ZNF230: variants seen among roughly 807,000 people sequenced by gnomAD.
ZNF230 encodes the protein zinc finger protein FDZF2.
In ZNF230, 12 loss-of-function variants were observed where a neutral mutation model predicts 10.0. The observed-to-expected ratio is 1.20, with a 90% CI of 0.77 to 1.95. The LOEUF (loss-of-function observed/expected upper bound fraction) is 1.95. Ranked by LOEUF, ZNF230 falls within the 30% of genes most tolerant of loss-of-function variation. The probability of loss-of-function intolerance (pLI) is 0.00; values close to 1 mark genes in which losing one functional copy is unlikely to be tolerated. For synonymous variants in ZNF230, 174 were observed against 193.6 expected, an observed-to-expected ratio of 0.90 and a Z score of 0.84; for missense variants, 532 against 565.8, an observed-to-expected ratio of 0.94 and a Z score of 0.61.
rs1041564358 is a variant in ZNF230, at chr19:44,002,988, A to G, written c.-188A>G. 2 of 152,078 alleles carry G rather than the reference A, an allele frequency of 1.3e-5. No individual in the cohort carries two copies. Among genetic ancestry groups the G allele is most frequent in the Admixed American group, 6.5e-5 (1 of 15,276 alleles). The allele number at this position is 152,078 out of a possible 1,614,324, so 9.4% of individuals were successfully genotyped here. ...GCCTGCGGTTGCTACATAACCGCGT[A>G]GTTTGAGCCATTTCTGCGTCTGGCG... On this transcript the variant is annotated 5_prime_UTR_variant, in exon 1 of 5. Transcript: ENST00000429154.
rs1568497846 is a variant in ZNF230 at position 44,010,419 on chromosome 19, AGG to A, written c.381_382del (p.Glu127AspfsTer19). The A allele has an allele frequency of 1.2e-6, 2 of 1,614,246 alleles. No individual in the cohort carries two copies. The highest frequency in any genetic ancestry group is 8.5e-7 in the Non-Finnish European group (1 of 1,180,028). ...CAAGGTGATGTCCCCTCCCAGGTTG[AGG>A]CAGGACTATCTATAATTCATACAGG... On this transcript the variant is annotated frameshift_variant, in exon 5 of 5. Transcript: ENST00000429154. LOFTEE classifies it low-confidence loss of function (END_TRUNC).
rs767120437 is a variant in ZNF230 at position 44,012,506 on chromosome 19, T to C, written c.*1042T>C. The stretch of plus-strand genomic sequence containing the variant: ...GGACCATCGTAGTAGAGAACTCTTG[T>C]AAATTGTGCAGTAGGGTTGCAAACA... On this transcript the variant is annotated 3_prime_UTR_variant, in exon 5 of 5. Transcript: ENST00000429154. 2 of 518,054 alleles carry C rather than the reference T, an allele frequency of 3.9e-6. No homozygotes were observed. Among genetic ancestry groups the C allele is most frequent in the Non-Finnish European group, 7.7e-6 (2 of 259,566 alleles). 32.1% of individuals were successfully genotyped at this position (518,054 alleles called of 1,614,324 possible).
At chr19:44,003,652 G>C (rs1214433725) in intron 1 of ZNF230, 5 of 207,406 alleles carry the variant, frequency 2.4e-5, no homozygotes. Context: ...CCGCGATGCA[G>C]TCAGGGTATT....
rs755083028 is a variant in ZNF230 at position 44,010,480 on chromosome 19, G to A, written c.441G>A (p.Gln147=). The change falls in exon 5 of 5, where the codon CAG becomes CAA. Residue 147 remains glutamine, a synonymous_variant. Coordinates refer to ENST00000429154, the MANE Select transcript of ZNF230 (RefSeq NM_006300.4). ...CTTCACAGAATGGGAAGTGTAAACA[G>A]TCCTTCAGTGATGTTGCCATCTTTG... ...QKPSQNGKCK[Q]SFSDVAIFDP... 14 of 1,614,254 alleles carry A rather than the reference G, an allele frequency of 8.7e-6. No individual in the cohort carries two copies. The highest frequency in any genetic ancestry group is 1.2e-5 in the Non-Finnish European group (14 of 1,180,040).
In ZNF230 at chr19:44,012,438, A is replaced by T. The variant is rs1004096835; in HGVS notation, c.*974A>T. On this transcript the variant is annotated 3_prime_UTR_variant, in exon 5 of 5. Coordinates refer to ENST00000429154, the MANE Select transcript of ZNF230 (RefSeq NM_006300.4). ...GGACAGAAAACATTTGTTTAAGTTAAATTCAGTGTTTCACCATAGCTCAGC... is the reference window on the plus strand; with the variant it reads ...GGACAGAAAACATTTGTTTAAGTTATATTCAGTGTTTCACCATAGCTCAGC... The T allele has an allele frequency of 9.6e-6, 5 of 519,064 alleles. No individual in the cohort carries two copies. The highest frequency in any genetic ancestry group is 1.5e-5 in the Non-Finnish European group (4 of 259,872). 32.2% of individuals were successfully genotyped at this position (519,064 alleles called of 1,614,324 possible).
Position 44,009,131 on chromosome 19 carries a change from TG to T in ZNF230, c.192del (p.Trp64Ter). 1.9e-6 allele frequency: 3 copies of T among 1,614,222 alleles called. No homozygotes were observed. Among genetic ancestry groups the T allele is most frequent in the Non-Finnish European group, 2.5e-6 (3 of 1,180,032 alleles). ...CCACTTCCTAAGGGAAGAAAAGTTT[TG>T]GATGATGGAGACAGCAACCCAAAGA... ...PFHFLREEKF[W>X]MMETATQREG... On this transcript the variant is annotated frameshift_variant, in exon 4 of 5. Coordinates refer to ENST00000429154, the MANE Select transcript of ZNF230 (RefSeq NM_006300.4). LOFTEE classifies it low-confidence loss of function (END_TRUNC).
In ZNF230 at chr19:44,010,280, A is replaced by T; in HGVS notation, c.241A>T (p.Ile81Phe). Residue 81 changes from isoleucine (I) to phenylalanine (F), a missense_variant, in exon 5 of 5, where the codon ATT becomes TTT. Ile to Phe is a conservative substitution (Grantham distance 21, BLOSUM62 0). Coordinates refer to ENST00000429154, the MANE Select transcript of ZNF230 (RefSeq NM_006300.4). ...CTGTGTCCTTATAGGCGGCAAGACT[A>T]TTGCGGAAGCAGGACCACATGAAGA... is the stretch of plus-strand genomic sequence containing the variant. ...QREGNSGGKT[I>F]AEAGPHEDCP... The T allele has an allele frequency of 6.2e-7, 1 of 1,606,758 alleles. No individual in the cohort carries two copies. The highest frequency in any genetic ancestry group is 1.1e-5 in the South Asian group (1 of 89,880).
Position 44,011,697 on chromosome 19 carries a change from A to C in ZNF230, c.*233A>C, listed in dbSNP as rs187189231. 2.3e-6 allele frequency: 1 copy of C among 430,608 alleles called. No individual in the cohort carries two copies. The highest frequency in any genetic ancestry group is 2.0e-5 in the African/African-American group (1 of 49,670). 26.7% of individuals were successfully genotyped at this position (430,608 alleles called of 1,614,324 possible). A position where few individuals can be genotyped will look rare whatever the true frequency, so the allele number is the denominator to read the frequency against. On this transcript the variant is annotated 3_prime_UTR_variant, in exon 5 of 5. Coordinates refer to ENST00000429154, the MANE Select transcript of ZNF230 (RefSeq NM_006300.4). ...GTATTTCTCCTATCTAGCAGTACTT[A>C]TGTATCTTGTTACCCAATCTTTGGC... is the stretch of plus-strand genomic sequence containing the variant.
intron 1 of ZNF230, chr19:44,004,231 G>A (rs535771805): frequency 6.6e-6 from 1 of 152,208 alleles, no homozygotes; most frequent in African/African-American, 2.4e-5. Flanking sequence ...TGAAATAGGA[G>A]AAATGAGAGT....
intron 4 of ZNF230, 99 bp downstream of exon 4, chr19:44,009,269 C>A: frequency 7.6e-7 from 1 of 1,313,432 alleles, no homozygotes; most frequent in Non-Finnish European, 1.1e-6. Flanking sequence ...CTAAATTGCC[C>A]AATCTCTTTC....
rs1976178039 is a variant in ZNF230 at position 44,011,143 on chromosome 19, G to C, written c.1104G>C (p.Glu368Asp). ...GAGAAAAACCATACAGATGTGAGGA[G>C]TGTGGGAAGGGCTACATTAGTAAGT... Reference protein sequence around the residue: ...HSGEKPYRCEECGKGYISKSG... With the variant: ...HSGEKPYRCEDCGKGYISKSG... The change falls in exon 5 of 5, where the codon GAG (glutamate) becomes GAC (aspartate). Residue 368 changes from glutamate (E) to aspartate (D), a missense_variant. Coordinates refer to ENST00000429154, the MANE Select transcript of ZNF230 (RefSeq NM_006300.4). The C allele has an allele frequency of 7.4e-6, 12 of 1,614,214 alleles. No individual in the cohort carries two copies. The highest frequency in any genetic ancestry group is 1.0e-5 in the Non-Finnish European group (12 of 1,180,022).
rs1419333546 is a variant in ZNF230, at chr19:44,011,861, T to G, written c.*397T>G. On this transcript the variant is annotated 3_prime_UTR_variant, in exon 5 of 5. Coordinates refer to ENST00000429154, the MANE Select transcript of ZNF230 (RefSeq NM_006300.4). The stretch of plus-strand genomic sequence containing the variant: ...CTTACCTTGCTTAGCTTATATTGTT[T>G]AACATGTCCTCCAAAGCTCATCTAT... The G allele has an allele frequency of 5.2e-5, 10 of 190,854 alleles. No homozygotes were observed. The highest frequency in any genetic ancestry group is 1.6e-4 in the Admixed American group (3 of 18,470). 11.8% of individuals were successfully genotyped at this position (190,854 alleles called of 1,614,324 possible).
rs568632386 is a variant in ZNF230, at chr19:44,005,114, TC to T, written c.-68-1896del. On this transcript the variant is annotated intron_variant, in intron 1 of 4. Coordinates refer to ENST00000429154, the MANE Select transcript of ZNF230 (RefSeq NM_006300.4). ...TCCAGCCTGGGCTAGGGAGCGAGAC[TC>T]TGTCTCAAAAAAAAAAAAATTAAAA... 2.0e-3 allele frequency among the ~76,000 whole-genome samples: 253 copies of T among 128,816 alleles called. 1 individual carries two copies. Among genetic ancestry groups the T allele is most frequent in the African/African-American group, 7.0e-3 (246 of 35,054 alleles). 84.5% of individuals were successfully genotyped at this position (128,816 alleles called of 152,430 possible).
rs1053060421 is a variant in ZNF230 at position 44,013,644 on chromosome 19, T to C, written c.*2180T>C. 6.6e-6 allele frequency: 1 copy of C among 152,160 alleles called. No homozygotes were observed. Among genetic ancestry groups the C allele is most frequent in the Non-Finnish European group, 1.5e-5 (1 of 68,012 alleles). 9.4% of individuals were successfully genotyped at this position (152,160 alleles called of 1,614,324 possible). A position where few individuals can be genotyped will look rare whatever the true frequency, so the allele number is the denominator to read the frequency against. On this transcript the variant is annotated 3_prime_UTR_variant, in exon 5 of 5. Transcript: ENST00000429154. ...AAAGGAGAAAAACATAATGTGAGCT[T>C]TGTGAAATCTGACTGTAACCTTCAT...
At position 44,013,040 on chromosome 19, in the gene ZNF230, C is replaced by T. The variant is rs1224039991; in HGVS notation, c.*1576C>T. ...CAGTCCACTGCATATATCACAATTA[C>T]ATTTTTTTCAACAGTGTTAAGGCAA... On this transcript the variant is annotated 3_prime_UTR_variant, in exon 5 of 5. Coordinates refer to ENST00000429154, the MANE Select transcript of ZNF230 (RefSeq NM_006300.4). 1 of 152,218 alleles carries T rather than the reference C, an allele frequency of 6.6e-6. No homozygotes were observed. Among genetic ancestry groups the T allele is most frequent in the Non-Finnish European group, 1.5e-5 (1 of 68,054 alleles). The allele number at this position is 152,218 out of a possible 1,614,324, so 9.4% of individuals were successfully genotyped here. A position where few individuals can be genotyped will look rare whatever the true frequency, so the allele number is the denominator to read the frequency against.
At position 44,011,218 on chromosome 19, in the gene ZNF230, T is replaced by C. The variant is rs565252932; in HGVS notation, c.1179T>C (p.Asn393=). The change falls in exon 5 of 5, where the codon AAT becomes AAC. Residue 393 remains asparagine (N), a synonymous_variant. Transcript: ENST00000429154. ...QRVHTGERPY[N]CKECGKSFSR... is the part of the protein sequence containing the mutation. ...TCCATACTGGAGAGAGACCTTATAA[T>C]TGTAAGGAATGTGGGAAGAGCTTTA... 10 of 1,614,080 alleles carry C rather than the reference T, an allele frequency of 6.2e-6. No homozygotes were observed. The African/African-American group carries it at 1.1e-4, about 17-fold the overall frequency.
At chr19:44,003,767 T>C (rs1420898618) in intron 1 of ZNF230, 1 of 200,712 alleles carries the variant, frequency 5.0e-6, no homozygotes, top group Admixed American at 4.7e-5. Flanking sequence ...CTTGGCTTTT[T>C]TCCTTTATAG....
chr19:44,012,590 A>G lies in ZNF230; in HGVS notation c.*1126A>G, dbSNP rs968956578. 4.5e-6 allele frequency: 2 copies of G among 444,644 alleles called. No individual in the cohort carries two copies. The highest frequency in any genetic ancestry group is 3.6e-4 in the Middle Eastern group (1 of 2,790). The allele number at this position is 444,644 out of a possible 1,614,324, so 27.5% of individuals were successfully genotyped here. On this transcript the variant is annotated 3_prime_UTR_variant, in exon 5 of 5. Transcript: ENST00000429154. ...AGAATAAGAGTTTGTTCACACATTT[A>G]CAAAACCCTAATGATGAACATGTCA... is the stretch of plus-strand genomic sequence containing the variant.
chr19:44,004,286 G>A (rs548961675), intron 1 of ZNF230: 2 of 152,234 alleles, frequency 1.3e-5, no homozygotes, highest in African/African-American at 2.4e-5. Flanking sequence ...TGTAAAGGTA[G>A]TAACTGTTAA....
Sources: gnomAD v4.1 joint callset for allele counts (sites outside exome capture counted in the v4.1 genomes callset) on GRCh38, gnomAD v4.1.1 for gene constraint, MANE v1.5 for transcripts, NCBI Gene and HGNC (gene_info 2026-07-23, HGNC 2026-07-21) for gene names.